CUBN: variants seen among roughly 807,000 people sequenced by gnomAD.
CUBN encodes the protein 460 kDa receptor.
In CUBN, 282 loss-of-function variants were observed where a neutral mutation model predicts 405.3. That is an observed-to-expected ratio of 0.70 (90% CI 0.63 to 0.77). The LOEUF is 0.77. CUBN is among the 30% of genes least tolerant of loss of function. The pLI is 0.00. For missense variants in CUBN, 4,514 were observed against 4,475.2 expected, an observed-to-expected ratio of 1.01 and a Z score of -0.25; for synonymous variants, 1,684 against 1,617.0, an observed-to-expected ratio of 1.04 and a Z score of -0.99.
At chr10:17,051,597 A>G (rs1457944615) in intron 22 of CUBN, among the ~76,000 whole-genome samples, 3 of 152,240 alleles carry the variant, frequency 2.0e-5, no homozygotes, top group African/African-American at 7.2e-5. Flanking sequence ...CCAAAAAGGG[A>G]GAAAATTATT....
chr10:16,988,641 T>G (rs1393084921), intron 29 of CUBN, among the ~76,000 whole-genome samples: 1 of 152,234 alleles, frequency 6.6e-6, no homozygotes, highest in Non-Finnish European at 1.5e-5. Context: ...TGACTCTCAC[T>G]GAGGGGATAA....
chr10:16,943,140 G>T (rs1194879690), intron 36 of CUBN, among the ~76,000 whole-genome samples: 3 of 152,138 alleles, frequency 2.0e-5, no homozygotes, highest in Non-Finnish European at 4.4e-5. Flanking sequence ...CTGCCTACCA[G>T]ACCACAGGGG....
At chr10:16,882,576 G>A (rs1221373970) in intron 56 of CUBN, among the ~76,000 whole-genome samples, 1 of 152,216 alleles carries the variant, frequency 6.6e-6, no homozygotes, top group African/African-American at 2.4e-5. Flanking sequence ...AAACTTGTGG[G>A]ATTTAGAGTT....
chr10:16,872,899 G>T (rs897083325), intron 58 of CUBN, among the ~76,000 whole-genome samples: 1 of 152,190 alleles, frequency 6.6e-6, no homozygotes, highest in Non-Finnish European at 1.5e-5. Context: ...CCTACAAATA[G>T]TCCAGGTAAG....
At chr10:17,125,000 T>A (rs562995418) in intron 4 of CUBN, among the ~76,000 whole-genome samples, 1 of 151,944 alleles carries the variant, frequency 6.6e-6, no homozygotes, top group Admixed American at 6.6e-5. Flanking sequence ...CCTGGCTAAT[T>A]TTCCTATTTT....
chr10:16,905,913 G>C (rs1216184636), intron 50 of CUBN, among the ~76,000 whole-genome samples: 2 of 152,118 alleles, frequency 1.3e-5, no homozygotes, highest in Non-Finnish European at 2.9e-5. Flanking sequence ...AGGAGTTTGA[G>C]ACCAGCCTGG....
chr10:17,097,553 A>C (rs1460064654), intron 14 of CUBN, among the ~76,000 whole-genome samples: 1 of 152,204 alleles, frequency 6.6e-6, no homozygotes, highest in Admixed American at 6.5e-5. Context: ...TAAAACATTG[A>C]CATTACCTGT....
chr10:16,972,090 C>A (rs1347657789), intron 31 of CUBN, among the ~76,000 whole-genome samples: 1 of 152,140 alleles, frequency 6.6e-6, no homozygotes, highest in Non-Finnish European at 1.5e-5. Context: ...CAGCTTCCCT[C>A]GTGGTTTGAA....
At chr10:17,096,256 G>C (rs1836373308) in intron 14 of CUBN, among the ~76,000 whole-genome samples, 1 of 152,016 alleles carries the variant, frequency 6.6e-6, no homozygotes, top group African/African-American at 2.4e-5. Context: ...TTATACACTT[G>C]AAAACTGCTG....
At chr10:17,071,300 T>C in intron 19 of CUBN, 126 bp downstream of exon 19, 1 of 950,174 alleles carries the variant, frequency 1.1e-6, no homozygotes, top group African/African-American at 1.6e-5. Flanking sequence ...TTTACATATG[T>C]ATCCATAAGA....
chr10:16,845,103 G>A (rs1274782796), intron 60 of CUBN, among the ~76,000 whole-genome samples: 1 of 152,172 alleles, frequency 6.6e-6, no homozygotes, highest in East Asian at 1.9e-4. Context: ...TGGCAGGCAG[G>A]CTCTGCTACA....
intron 31 of CUBN, among the ~76,000 whole-genome samples, chr10:16,974,045 C>G (rs1833018581): frequency 1.3e-5 from 2 of 152,152 alleles, no homozygotes; most frequent in South Asian, 4.1e-4. Context: ...TGAACCTCCC[C>G]CAAAACACTC....
intron 40 of CUBN, among the ~76,000 whole-genome samples, chr10:16,931,551 A>G (rs1357399741): frequency 2.0e-5 from 3 of 152,248 alleles, no homozygotes; most frequent in Non-Finnish European, 4.4e-5. Context: ...GAGCAAGGGC[A>G]CTGATTAAAC....
intron 28 of CUBN, among the ~76,000 whole-genome samples, chr10:17,010,783 C>A (rs1353365120): frequency 6.6e-6 from 1 of 152,104 alleles, no homozygotes; most frequent in African/African-American, 2.4e-5. Flanking sequence ...TGTGGATGAC[C>A]ACTGACTATT....
In CUBN at chr10:17,100,015, T is replaced by C; in HGVS notation, c.1755A>G (p.Thr585=). The change falls in exon 14 of 67, where the codon ACA becomes ACG. Residue 585 remains threonine, a synonymous_variant. Coordinates refer to ENST00000377833, the MANE Select transcript of CUBN (RefSeq NM_001081.4). ...CAGGTTCACACATACCTGGTTGCTG[T>C]GTTTCCCATCTTACTGTAAAGCCTC... ...NGRGFTVRWE[T]QQPECGGILT... is the part of the protein sequence containing the mutation. The C allele has an allele frequency of 1.2e-6, 2 of 1,611,868 alleles. No homozygotes were observed. Among genetic ancestry groups the C allele is most frequent in the Non-Finnish European group, 1.7e-6 (2 of 1,177,964 alleles).
At chr10:17,086,318 T>C (rs916698097) in intron 15 of CUBN, among the ~76,000 whole-genome samples, 4 of 152,296 alleles carry the variant, frequency 2.6e-5, no homozygotes, top group Admixed American at 6.5e-5. Context: ...TTTGTCATGA[T>C]GTTACTAATC....
chr10:17,028,562 A>C (rs1299185121), intron 27 of CUBN, among the ~76,000 whole-genome samples: 1 of 151,894 alleles, frequency 6.6e-6, no homozygotes, highest in East Asian at 1.9e-4. Context: ...CTCTACTAAA[A>C]ATACAAAAAT....
chr10:17,123,922 G>C (rs536607371), intron 4 of CUBN, among the ~76,000 whole-genome samples: 1 of 152,228 alleles, frequency 6.6e-6, no homozygotes, highest in Admixed American at 6.5e-5. Flanking sequence ...TTTTGACCAC[G>C]GGTGGGATGA....
At chr10:17,127,431 A>ATTT (rs71268608) in intron 3 of CUBN, among the ~76,000 whole-genome samples, 2,855 of 85,856 alleles carry the variant, frequency 0.033, 196 homozygotes, top group African/African-American at 0.12. Context: ...ATGCCCAGCT[A>ATTT]TTTTTTTTTT....
Sources: gnomAD v4.1 joint callset for allele counts (sites outside exome capture counted in the v4.1 genomes callset) on GRCh38, gnomAD v4.1.1 for gene constraint, MANE v1.5 for transcripts, NCBI Gene and HGNC (gene_info 2026-07-23, HGNC 2026-07-21) for gene names.